KCNA2: variants seen among roughly 807,000 people sequenced by gnomAD.
KCNA2 encodes the protein potassium voltage-gated channel subfamily A member 2, also known as potassium channel, voltage gated shaker related subfamily A, member 2.
In KCNA2, 11 loss-of-function variants were observed where a neutral mutation model predicts 33.4. The observed-to-expected ratio is 0.33, with a 90% CI of 0.21 to 0.55. The LOEUF is 0.55. KCNA2 is among the 20% of genes least tolerant of loss of function. The pLI is 0.93. For synonymous variants in KCNA2, 222 were observed against 231.3 expected, an observed-to-expected ratio of 0.96 and a Z score of 0.37; for missense variants, 291 against 621.6, an observed-to-expected ratio of 0.47 and a Z score of 5.66.
intron 1 of KCNA2, among the ~76,000 whole-genome samples, chr1:110,627,544 C>T (rs749270663): frequency 6.6e-6 from 1 of 152,110 alleles, no homozygotes; most frequent in Non-Finnish European, 1.5e-5. Flanking sequence ...TAGATCATAA[C>T]GGTTTCCAGG....
chr1:110,601,576 T>C lies in KCNA2; in HGVS notation c.*1707A>G. 1.0e-6 allele frequency: 1 copy of C among 988,840 alleles called. No homozygotes were observed. The highest frequency in any genetic ancestry group is 1.2e-6 in the Non-Finnish European group (1 of 832,276). 61.3% of individuals were successfully genotyped at this position (988,840 alleles called of 1,614,324 possible). ...CACTCAGTAAGACAAGCTTCAGCCA[T>C]GGGAACTGAAGCTGCAGCACATGGA... On this transcript the variant is annotated 3_prime_UTR_variant, in exon 3 of 3. Transcript: ENST00000316361.
rs1267703224 is a variant in KCNA2 at position 110,629,601 on chromosome 1, CTA to C, written c.-496+1792_-496+1793del. ...ATTCAGCACTTTAAATTATTTGTTG[CTA>C]TGTTTTTCTCCTCACTAGTTGTGAG... On this transcript the variant is annotated intron_variant, in intron 1 of 4. Transcript: ENST00000369770. Among the ~76,000 whole-genome samples, 6 of 152,168 alleles carry C rather than the reference CTA, an allele frequency of 3.9e-5. No individual in the cohort carries two copies. In the East Asian group the frequency reaches 1.2e-3, roughly 29 times the overall value.
upstream of KCNA2, among the ~76,000 whole-genome samples, chr1:110,610,676 T>C (rs1649832659): frequency 6.6e-6 from 1 of 152,182 alleles, no homozygotes; most frequent in African/African-American, 2.4e-5. Context: ...GTTAGCTCAG[T>C]GCCAGGCCTC....
chr1:110,601,792 A>ATGTGTGTG lies in KCNA2; in HGVS notation c.*1490_*1491insCACACACA, dbSNP rs1379102271. The ATGTGTGTG allele has an allele frequency of 2.7e-6, 3 of 1,110,040 alleles. No homozygotes were observed. Among genetic ancestry groups the ATGTGTGTG allele is most frequent in the African/African-American group, 1.8e-5 (1 of 54,406 alleles). 68.8% of individuals were successfully genotyped at this position (1,110,040 alleles called of 1,614,324 possible). A position where few individuals can be genotyped will look rare whatever the true frequency, so the allele number is the denominator to read the frequency against. ...CCAGAAAATGAATATATATATATAT[A>ATGTGTGTG]TATGTGTGTGTGTGTGTGTGTGTGT... On this transcript the variant is annotated 3_prime_UTR_variant, in exon 3 of 3. Coordinates refer to ENST00000316361, the MANE Select transcript of KCNA2 (RefSeq NM_004974.4).
In KCNA2 at chr1:110,601,792, ATATG is replaced by A. The variant is rs1411300455; in HGVS notation, c.*1487_*1490del. 2.2e-3 allele frequency: 2,407 copies of A among 1,108,042 alleles called. 2 individuals are homozygous for A. Among genetic ancestry groups the A allele is most frequent in the African/African-American group, 0.016 (880 of 54,204 alleles). The allele number at this position is 1,108,042 out of a possible 1,614,324, so 68.6% of individuals were successfully genotyped here. A position where few individuals can be genotyped will look rare whatever the true frequency, so the allele number is the denominator to read the frequency against. ...CCAGAAAATGAATATATATATATAT[ATATG>A]TGTGTGTGTGTGTGTGTGTGTGTGT... On this transcript the variant is annotated 3_prime_UTR_variant, in exon 3 of 3. Transcript: ENST00000316361.
At position 110,602,543 on chromosome 1, in the gene KCNA2, G is replaced by A. The variant is rs1649405178; in HGVS notation, c.*740C>T. 9.4e-7 allele frequency: 1 copy of A among 1,063,924 alleles called. No individual in the cohort carries two copies. Among genetic ancestry groups the A allele is most frequent in the Non-Finnish European group, 1.1e-6 (1 of 879,774 alleles). 65.9% of individuals were successfully genotyped at this position (1,063,924 alleles called of 1,614,324 possible). On this transcript the variant is annotated 3_prime_UTR_variant, in exon 3 of 3. Transcript: ENST00000316361. The stretch of plus-strand genomic sequence containing the variant: ...TGACCCTGGAGCCTGCAAAAATGGT[G>A]AAATCAGAGGCTTAGAGGTCTGTTG...
chr1:110,613,292 A>G (rs1008616701), intron 1 of KCNA2, among the ~76,000 whole-genome samples: 1 of 152,172 alleles, frequency 6.6e-6, no homozygotes, highest in African/African-American at 2.4e-5. Context: ...CTGTCACACC[A>G]GGTCCTGAGG....
At chr1:110,613,448 C>A (rs1053942232) in intron 1 of KCNA2, among the ~76,000 whole-genome samples, 2 of 152,258 alleles carry the variant, frequency 1.3e-5, no homozygotes, top group Non-Finnish European at 2.9e-5. Context: ...CCAGCAAACA[C>A]CAGCAGATGC....
At chr1:110,623,866 C>T (rs1287069175) in intron 1 of KCNA2, among the ~76,000 whole-genome samples, 3 of 151,266 alleles carry the variant, frequency 2.0e-5, no homozygotes, top group Admixed American at 6.6e-5. Flanking sequence ...AAGATATTCC[C>T]ATCATTAGTC....
Position 110,601,801 on chromosome 1 carries a change from T to C in KCNA2, c.*1482A>G. ...GAATATATATATATATATATGTGTG[T>C]GTGTGTGTGTGTGTGTGTGTGTGTG... On this transcript the variant is annotated 3_prime_UTR_variant, in exon 3 of 3. Transcript: ENST00000316361. The C allele has an allele frequency of 8.2e-7, 1 of 1,221,152 alleles. No homozygotes were observed. Among genetic ancestry groups the C allele is most frequent in the Non-Finnish European group, 1.0e-6 (1 of 978,392 alleles). 75.6% of individuals were successfully genotyped at this position (1,221,152 alleles called of 1,614,324 possible).
rs1318905240 is a variant in KCNA2 at position 110,593,945 on chromosome 1, C to G, written c.*9338G>C. 1.3e-6 allele frequency: 2 copies of G among 1,549,546 alleles called. No homozygotes were observed. ...AGCTGGTGTCTAAATTTTCAAGAAG[C>G]AAACAAATAGTTAAATGACTCCCAA... On this transcript the variant is annotated 3_prime_UTR_variant, in exon 3 of 3. Transcript: ENST00000316361.
At chr1:110,627,096 C>T (rs1357595555) in intron 1 of KCNA2, among the ~76,000 whole-genome samples, 1 of 152,168 alleles carries the variant, frequency 6.6e-6, no homozygotes, top group African/African-American at 2.4e-5. Flanking sequence ...AAACTGAAAA[C>T]AGAAGAGGTA....
Position 110,602,087 on chromosome 1 carries a change from G to C in KCNA2, c.*1196C>G. ...ACTGTACAGTCATGCCCGCGACTAG[G>C]TTAATTCCTAAGGTGCAGTCATGTG... is the stretch of plus-strand genomic sequence containing the variant. On this transcript the variant is annotated 3_prime_UTR_variant, in exon 3 of 3. Transcript: ENST00000316361. 1 of 1,550,504 alleles carries C rather than the reference G, an allele frequency of 6.4e-7. No homozygotes were observed. The highest frequency in any genetic ancestry group is 8.7e-7 in the Non-Finnish European group (1 of 1,146,972).
In KCNA2 at chr1:110,596,908, G is replaced by A; in HGVS notation, c.*6375C>T. On this transcript the variant is annotated 3_prime_UTR_variant, in exon 3 of 3. Coordinates refer to ENST00000316361, the MANE Select transcript of KCNA2 (RefSeq NM_004974.4). The stretch of plus-strand genomic sequence containing the variant: ...CCAGCCTTCCCTGATTGTCCAGTCT[G>A]AACATTTAAGCTCACAGATGTTAGG... The A allele has an allele frequency of 1.0e-5, 10 of 985,456 alleles. No homozygotes were observed. Among genetic ancestry groups the A allele is most frequent in the Non-Finnish European group, 1.2e-5 (10 of 829,968 alleles). 61.0% of individuals were successfully genotyped at this position (985,456 alleles called of 1,614,324 possible). A position where few individuals can be genotyped will look rare whatever the true frequency, so the allele number is the denominator to read the frequency against.
rs1649390543 is a variant in KCNA2 at position 110,602,225 on chromosome 1, T to C, written c.*1058A>G. 68 of 1,542,090 alleles carry C rather than the reference T, an allele frequency of 4.4e-5. No homozygotes were observed. The highest frequency in any genetic ancestry group is 5.9e-5 in the Non-Finnish European group (68 of 1,143,572). ...GGGGGGCCAGAAGTTTTAGTTCCAT[T>C]CCAAATAGTCTATTTTTTTTCCCCT... On this transcript the variant is annotated 3_prime_UTR_variant, in exon 3 of 3. Transcript: ENST00000316361.
chr1:110,604,858 G>T lies in KCNA2; in HGVS notation c.-76C>A. 1 of 1,395,774 alleles carries T rather than the reference G, an allele frequency of 7.2e-7. No homozygotes were observed. The highest frequency in any genetic ancestry group is 9.8e-7 in the Non-Finnish European group (1 of 1,016,586). The allele number at this position is 1,395,774 out of a possible 1,614,324, so 86.5% of individuals were successfully genotyped here. ...GCAGGGAGCTCAGGGTGCTGCTACT[G>T]GCCCCAGGAAGCACAGGAGCATTGG... On this transcript the variant is annotated 5_prime_UTR_variant, in exon 3 of 3. Transcript: ENST00000316361. The surrounding 1 kb of genome is among the most constrained non-coding windows in gnomAD (Gnocchi z 7.6).
In KCNA2 at chr1:110,604,444, A is replaced by T; in HGVS notation, c.339T>A (p.Ile113=). ...NVPLDIFSEE[I]RFYELGEEAM... ...CTTCTTCTCCCAGCTCATAAAACCGAATTTCTTCAGAGAATATATCTAAGG... is the reference window on the plus strand; with the variant it reads ...CTTCTTCTCCCAGCTCATAAAACCGTATTTCTTCAGAGAATATATCTAAGG... Residue 113 remains isoleucine (I), a synonymous_variant, in exon 3 of 3, where the codon ATT becomes ATA. Coordinates refer to ENST00000316361, the MANE Select transcript of KCNA2 (RefSeq NM_004974.4). The surrounding 1 kb of genome is among the most constrained non-coding windows in gnomAD (Gnocchi z 7.6). 6.2e-7 allele frequency: 1 copy of T among 1,614,102 alleles called. No homozygotes were observed. Among genetic ancestry groups the T allele is most frequent in the Non-Finnish European group, 8.5e-7 (1 of 1,180,006 alleles).
chr1:110,626,288 T>A (rs1650388471), intron 1 of KCNA2, among the ~76,000 whole-genome samples: 1 of 152,202 alleles, frequency 6.6e-6, no homozygotes, highest in African/African-American at 2.4e-5. Flanking sequence ...AGCAGGAGTA[T>A]TTCTATGTTT....
intron 1 of KCNA2, among the ~76,000 whole-genome samples, chr1:110,624,289 A>G (rs1421432499): frequency 6.6e-6 from 1 of 152,278 alleles, no homozygotes; most frequent in African/African-American, 2.4e-5. Flanking sequence ...TATCCATACA[A>G]TGGAATGCTA....
Sources: allele counts gnomAD v4.1 joint callset (sites outside exome capture counted in the v4.1 genomes callset), GRCh38; gene constraint gnomAD v4.1.1; non-coding constraint Gnocchi (gnomAD v3.1); transcripts MANE v1.5; gene names NCBI Gene and HGNC (gene_info 2026-07-23, HGNC 2026-07-21).